The following STPG4 variants were observed in gnomAD, a reference collection of about 807,000 sequenced individuals.
STPG4 encodes protein STPG4.
In STPG4, 41 loss-of-function variants were observed where a neutral mutation model predicts 31.5. The observed-to-expected ratio is 1.30, with a 90% CI of 1.01 to 1.69. STPG4 has a LOEUF of 1.69. STPG4 is among the 40% of genes most tolerant of loss of function. The pLI, the probability that STPG4 is intolerant of heterozygous loss-of-function variation, is 0.00. For missense variants in STPG4, 375 were observed against 293.4 expected, an observed-to-expected ratio of 1.28 and a Z score of -2.03; for synonymous variants, 141 against 103.0, an observed-to-expected ratio of 1.37 and a Z score of -2.24.
chr2:47,136,154 T>C (rs948505169), intron 3 of STPG4, among the ~76,000 whole-genome samples: 3 of 151,210 alleles, frequency 2.0e-5, no homozygotes, highest in African/African-American at 7.3e-5. Flanking sequence ...ATTTCTTTCT[T>C]TTTTTTTTGA....
intron 5 of STPG4, among the ~76,000 whole-genome samples, chr2:47,092,020 T>G (rs772498443): frequency 1.3e-5 from 2 of 149,408 alleles, no homozygotes; most frequent in Non-Finnish European, 3.0e-5. Flanking sequence ...AAATGCAAGC[T>G]GAACAAATGT....
At chr2:47,088,938 G>T (rs1474764084) in intron 6 of STPG4, among the ~76,000 whole-genome samples, 1 of 152,170 alleles carries the variant, frequency 6.6e-6, no homozygotes, top group Non-Finnish European at 1.5e-5. Context: ...CATCTCACAA[G>T]GCCACCCCTC....
intron 1 of STPG4, 129 bp from the exon 2 acceptor site, chr2:47,153,145 A>G (rs937228583): frequency 3.8e-5 from 22 of 581,170 alleles, no homozygotes; most frequent in African/African-American, 3.8e-4. Context: ...TTAAAATAAA[A>G]GCTACATAAT....
At chr2:47,138,324 A>T (rs1686638327) in intron 3 of STPG4, among the ~76,000 whole-genome samples, 1 of 150,664 alleles carries the variant, frequency 6.6e-6, no homozygotes, top group South Asian at 2.1e-4. Flanking sequence ...TTGTAGTTTA[A>T]TTCAGTTTAA....
intron 3 of STPG4, among the ~76,000 whole-genome samples, chr2:47,143,887 G>A (rs1179207980): frequency 2.0e-5 from 3 of 152,170 alleles, no homozygotes; most frequent in Admixed American, 6.5e-5. Flanking sequence ...GCCAGTTAGT[G>A]ATCAGCACTT....
At chr2:47,126,569 C>T (rs1399266565) in intron 5 of STPG4, among the ~76,000 whole-genome samples, 1 of 152,128 alleles carries the variant, frequency 6.6e-6, no homozygotes, top group Non-Finnish European at 1.5e-5. Flanking sequence ...TCAAGCAATC[C>T]TCCTGCCTCA....
chr2:47,126,626 C>T (rs1686371229), intron 5 of STPG4, among the ~76,000 whole-genome samples: 1 of 152,164 alleles, frequency 6.6e-6, no homozygotes, highest in Non-Finnish European at 1.5e-5. Flanking sequence ...TGCACCTGGC[C>T]TCAGATGATT....
intron 6 of STPG4, 64 bp downstream of exon 6, chr2:47,090,206 G>C: frequency 8.5e-7 from 1 of 1,177,902 alleles, no homozygotes; most frequent in Middle Eastern, 1.9e-4. Flanking sequence ...CATAGAAACA[G>C]AAAACCTACC....
intron 2 of STPG4, among the ~76,000 whole-genome samples, chr2:47,152,636 C>T (rs1308309623): frequency 2.0e-5 from 3 of 152,168 alleles, no homozygotes; most frequent in African/African-American, 4.8e-5. Context: ...AACCAAAACA[C>T]CTTTCCAGAA....
chr2:47,114,995 T>C (rs1195107140), intron 5 of STPG4, among the ~76,000 whole-genome samples: 1 of 152,118 alleles, frequency 6.6e-6, no homozygotes, highest in Non-Finnish European at 1.5e-5. Flanking sequence ...CTCGAACTCC[T>C]GATCTCAAGT....
intron 3 of STPG4, among the ~76,000 whole-genome samples, chr2:47,139,140 G>A (rs1410689377): frequency 6.6e-6 from 1 of 152,210 alleles, no homozygotes; most frequent in Non-Finnish European, 1.5e-5. Flanking sequence ...GTTCAACTAT[G>A]TACTGACTGA....
chr2:47,133,570 C>CTTTTTTTTTTTTT lies in STPG4; in HGVS notation c.400-3323_400-3311dup. The stretch of plus-strand genomic sequence containing the variant: ...ATCCATGCTGATTAGGCACTCAAAT[C>CTTTTTTTTTTTTT]TTTTTTTTTTTTTTTTTTTTTTTTG... On this transcript the variant is annotated intron_variant, in intron 3 of 6. Transcript: ENST00000445927. Among the ~76,000 whole-genome samples, 293 of 67,152 alleles carry CTTTTTTTTTTTTT rather than the reference C, an allele frequency of 4.4e-3. 50 individuals are homozygous for CTTTTTTTTTTTTT. The highest frequency in any genetic ancestry group is 5.1e-3 in the Admixed American group (19 of 3,700). 44.1% of individuals were successfully genotyped at this position (67,152 alleles called of 152,430 possible). A position where few individuals can be genotyped will look rare whatever the true frequency, so the allele number is the denominator to read the frequency against.
rs772957399 is a variant in STPG4 at position 47,133,873 on chromosome 2, G to A, written c.400-3613C>T. Among the ~76,000 whole-genome samples the A allele has an allele frequency of 6.6e-5, 10 of 151,924 alleles. No individual in the cohort carries two copies. The South Asian group carries it at 8.3e-4, about 13-fold the overall frequency. On this transcript the variant is annotated intron_variant, in intron 3 of 6. Coordinates refer to ENST00000445927, the MANE Select transcript of STPG4 (RefSeq NM_001163561.2). ...ATTATAGACATGAGACACAGCGCCC[G>A]GCCAGGCACTCAAATCTTATGAGAG...
At chr2:47,096,404 G>A (rs1685669560) in intron 5 of STPG4, among the ~76,000 whole-genome samples, 1 of 152,194 alleles carries the variant, frequency 6.6e-6, no homozygotes, top group Non-Finnish European at 1.5e-5. Context: ...TCGAGGACAA[G>A]CCTAGAGAGA....
intron 3 of STPG4, 95 bp from the exon 4 acceptor site, chr2:47,130,355 A>C (rs1686452842): frequency 1.0e-6 from 1 of 956,152 alleles, no homozygotes; most frequent in Non-Finnish European, 1.6e-6. Flanking sequence ...ATGACCATAC[A>C]ACATTGGATA....
At chr2:47,110,004 T>G (rs369853642) in intron 5 of STPG4, among the ~76,000 whole-genome samples, 2 of 144,736 alleles carry the variant, frequency 1.4e-5, no homozygotes, top group African/African-American at 5.8e-5. Context: ...GCCTGTCAGG[T>G]TTTAAGAAAT....
At chr2:47,137,830 T>C (rs1686626235) in intron 3 of STPG4, among the ~76,000 whole-genome samples, 1 of 152,178 alleles carries the variant, frequency 6.6e-6, no homozygotes, top group Admixed American at 6.5e-5. Context: ...GTCTCCTCTT[T>C]TGTGTCTAAT....
intron 3 of STPG4, among the ~76,000 whole-genome samples, chr2:47,148,706 G>A (rs1686876692): frequency 6.6e-6 from 1 of 152,014 alleles, no homozygotes; most frequent in Non-Finnish European, 1.5e-5. Context: ...ACAGGCTCCT[G>A]TGTGTGATGT....
At chr2:47,114,109 G>A (rs1330055454) in intron 5 of STPG4, among the ~76,000 whole-genome samples, 1 of 152,010 alleles carries the variant, frequency 6.6e-6, no homozygotes, top group African/African-American at 2.4e-5. Context: ...GGTGGCTCAT[G>A]CCTGTAATCC....
Sources: gnomAD v4.1 joint callset for allele counts (sites outside exome capture counted in the v4.1 genomes callset) on GRCh38, gnomAD v4.1.1 for gene constraint, MANE v1.5 for transcripts, NCBI Gene and HGNC (gene_info 2026-07-23, HGNC 2026-07-21) for gene names.